Variants in CNTN6 observed in about 807,000 individuals in gnomAD.
The protein encoded by CNTN6 is contactin 6, also known as contactin-6.
Under a neutral mutation model 122.8 loss-of-function variants are expected in CNTN6, and 137 were observed. That is an observed-to-expected ratio of 1.12 (90% CI 0.97 to 1.29). The LOEUF (loss-of-function observed/expected upper bound fraction) is 1.29, where lower values mean the gene tolerates loss of function less well. Ranked by LOEUF, CNTN6 falls within the 50% of genes most tolerant of loss-of-function variation. The pLI is 0.00. For missense variants in CNTN6, 1,634 were observed against 1,223.4 expected, an observed-to-expected ratio of 1.34 and a Z score of -5.01; for synonymous variants, 570 against 426.0, an observed-to-expected ratio of 1.34 and a Z score of -4.16.
intron 4 of CNTN6, among the ~76,000 whole-genome samples, chr3:1,265,460 TACTC>T (rs1315806684): frequency 6.6e-6 from 1 of 152,210 alleles, no homozygotes; most frequent in African/African-American, 2.4e-5. Context: ...TCCTGGTTCT[TACTC>T]AAGAGTAGAA....
At chr3:1,281,526 C>T (rs2313555) in intron 5 of CNTN6, among the ~76,000 whole-genome samples, 3 of 150,690 alleles carry the variant, frequency 2.0e-5, no homozygotes, top group Non-Finnish European at 4.4e-5. Context: ...GTGCAGTGGC[C>T]CCATCTCTGC....
chr3:1,185,190 C>T (rs2093611178), intron 2 of CNTN6, among the ~76,000 whole-genome samples: 1 of 152,026 alleles, frequency 6.6e-6, no homozygotes, highest in African/African-American at 2.4e-5. Context: ...AGAATATGTC[C>T]TATTTGGTTC....
At chr3:1,388,677 A>C (rs1207208466) in intron 20 of CNTN6, among the ~76,000 whole-genome samples, 65 of 146,182 alleles carry the variant, frequency 4.4e-4, no homozygotes, top group African/African-American at 1.4e-3. Flanking sequence ...AAAATTTAGA[A>C]GAATGTATAA....
intron 5 of CNTN6, among the ~76,000 whole-genome samples, chr3:1,286,170 G>A (rs997337021): frequency 3.9e-5 from 6 of 152,214 alleles, no homozygotes; most frequent in Non-Finnish European, 5.9e-5. Flanking sequence ...AGGGCCAGAT[G>A]TTGGGGAGAT....
intron 2 of CNTN6, among the ~76,000 whole-genome samples, chr3:1,204,055 C>A (rs2093923077): frequency 1.3e-5 from 2 of 152,148 alleles, no homozygotes; most frequent in African/African-American, 4.8e-5. Context: ...GTGATATTCC[C>A]ACAATGACAA....
intron 17 of CNTN6, among the ~76,000 whole-genome samples, chr3:1,381,713 A>G (rs1239117351): frequency 6.6e-6 from 1 of 152,100 alleles, no homozygotes; most frequent in Non-Finnish European, 1.5e-5. Flanking sequence ...TCTCTAATTT[A>G]CAGCATCTGT....
chr3:1,269,297 G>C (rs191652657), intron 4 of CNTN6, among the ~76,000 whole-genome samples: 1 of 152,272 alleles, frequency 6.6e-6, no homozygotes, highest in Non-Finnish European at 1.5e-5. Context: ...TTGCATTTTT[G>C]ATCATTTTGT....
intron 4 of CNTN6, among the ~76,000 whole-genome samples, chr3:1,262,163 G>A (rs974638226): frequency 5.3e-5 from 8 of 152,068 alleles, no homozygotes; most frequent in African/African-American, 1.2e-4. Flanking sequence ...ACAGATGTGC[G>A]GCATTAAACA....
chr3:1,304,753 G>A (rs763063425), intron 7 of CNTN6, among the ~76,000 whole-genome samples: 3 of 152,022 alleles, frequency 2.0e-5, no homozygotes, highest in Non-Finnish European at 2.9e-5. Flanking sequence ...CAGCACTTTG[G>A]GAGGCCGAGG....
chr3:1,286,358 C>T (rs1320174589), intron 5 of CNTN6, among the ~76,000 whole-genome samples: 1 of 152,086 alleles, frequency 6.6e-6, no homozygotes, highest in Non-Finnish European at 1.5e-5. Flanking sequence ...GCCCCCCAAC[C>T]CCCAGTAGGC....
chr3:1,233,258 C>G (rs2094375687), intron 4 of CNTN6, among the ~76,000 whole-genome samples: 1 of 151,872 alleles, frequency 6.6e-6, no homozygotes, highest in African/African-American at 2.4e-5. Context: ...CTATGAGGAC[C>G]AAATATATTA....
chr3:1,303,537 A>G lies in CNTN6; in HGVS notation c.761+5546A>G, dbSNP rs1697796507. Among the ~76,000 whole-genome samples the G allele has an allele frequency of 2.0e-5, 3 of 152,120 alleles. No individual in the cohort carries two copies. In the South Asian group the frequency reaches 6.2e-4, roughly 31 times the overall value. ...TGGGTTTCCCTAGAGACTCTTTCCT[A>G]AATAGCATCTAAAGCTTGCCGTTAT... On this transcript the variant is annotated intron_variant, in intron 7 of 22. Coordinates refer to ENST00000446702, the MANE Select transcript of CNTN6 (RefSeq NM_001289080.2).
Position 1,271,706 on chromosome 3 carries a change from A to G in CNTN6, c.359-6707A>G, listed in dbSNP as rs775767462. 8.6e-4 allele frequency among the ~76,000 whole-genome samples: 131 copies of G among 152,166 alleles called. 2 individuals carry two copies. Among genetic ancestry groups the G allele is most frequent in the Admixed American group, 1.7e-3 (26 of 15,278 alleles). On this transcript the variant is annotated intron_variant, in intron 4 of 22. Transcript: ENST00000446702. ...ACAGAGCCACTTCTAGAAACTACAAATTCTTGGGGGAGAGAAAGCACCTTT... is the reference window on the plus strand; with the variant it reads ...ACAGAGCCACTTCTAGAAACTACAAGTTCTTGGGGGAGAGAAAGCACCTTT...
chr3:1,140,416 A>G (rs1301946650), intron 1 of CNTN6, among the ~76,000 whole-genome samples: 2 of 152,188 alleles, frequency 1.3e-5, no homozygotes, highest in South Asian at 2.1e-4. Flanking sequence ...GTTCTAGGTC[A>G]TGGACTAAAT....
intron 12 of CNTN6, among the ~76,000 whole-genome samples, chr3:1,370,085 T>G (rs1194976490): frequency 6.6e-6 from 1 of 152,080 alleles, no homozygotes; most frequent in Admixed American, 6.5e-5. Flanking sequence ...GTATCTTTTT[T>G]TATTTTCTAC....
chr3:1,390,769 T>C (rs1284219080), intron 20 of CNTN6, among the ~76,000 whole-genome samples: 1 of 151,618 alleles, frequency 6.6e-6, no homozygotes, highest in Non-Finnish European at 1.5e-5. Flanking sequence ...CAGAGAATAC[T>C]ACAAACACCT....
chr3:1,226,640 T>C (rs2094287747), intron 3 of CNTN6, among the ~76,000 whole-genome samples: 1 of 152,300 alleles, frequency 6.6e-6, no homozygotes, highest in East Asian at 1.9e-4. Context: ...TTTACAATCA[T>C]ACTTCTGCAG....
At chr3:1,330,815 T>C (rs752292667) in intron 11 of CNTN6, among the ~76,000 whole-genome samples, 1 of 151,870 alleles carries the variant, frequency 6.6e-6, no homozygotes, top group Non-Finnish European at 1.5e-5. Flanking sequence ...TTGTTACTCT[T>C]GGAAGAAATG....
chr3:1,256,022 C>A (rs1286093069), intron 4 of CNTN6, among the ~76,000 whole-genome samples: 2 of 152,048 alleles, frequency 1.3e-5, no homozygotes, highest in East Asian at 3.9e-4. Context: ...GCGTGTGCCA[C>A]CATATCCGGC....
Sources: allele counts gnomAD v4.1 joint callset (sites outside exome capture counted in the v4.1 genomes callset), GRCh38; gene constraint gnomAD v4.1.1; transcripts MANE v1.5; gene names NCBI Gene and HGNC (gene_info 2026-07-23, HGNC 2026-07-21).